DDAH1: variants seen among roughly 807,000 people sequenced by gnomAD.
The protein encoded by DDAH1 is N(G),N(G)-dimethylarginine dimethylaminohydrolase 1.
DDAH1 carries 19 observed loss-of-function variants against 28.8 expected under a neutral mutation model. The observed-to-expected ratio is 0.66, with a 90% CI of 0.46 to 0.97. DDAH1 has a LOEUF of 0.97. DDAH1 is among the 50% of genes least tolerant of loss of function. The pLI is 0.00. For missense variants in DDAH1, 326 were observed against 375.9 expected (o/e 0.87, Z 1.10); for synonymous variants, 153 against 154.4 (o/e 0.99, Z 0.07).
At chr1:85,396,170 T>G (rs183797943) in intron 1 of DDAH1, among the ~76,000 whole-genome samples, 79 of 152,332 alleles carry the variant, frequency 5.2e-4, no homozygotes, top group Middle Eastern at 3.4e-3. Context: ...TTGAATCTTT[T>G]TGACAAACTT....
In DDAH1 at chr1:85,462,600, A is replaced by ATTCATTCAT. The variant is rs35862161; in HGVS notation, c.303+2142_303+2143insATGAATGAA. Among the ~76,000 whole-genome samples, 27 of 152,254 alleles carry ATTCATTCAT rather than the reference A, an allele frequency of 1.8e-4. No individual in the cohort carries two copies. The East Asian group carries it at 3.5e-3, about 20-fold the overall frequency. On this transcript the variant is annotated intron_variant, in intron 1 of 5. Coordinates refer to ENST00000284031, the MANE Select transcript of DDAH1 (RefSeq NM_012137.4). ...ATCTTCTTGTATTAGCATTTCATTC[A>ATTCATTCAT]TCATTCATTCATTCATCCACTCACT...
At position 85,441,921 on chromosome 1, in the gene DDAH1, A is replaced by G. The variant is rs1654216438; in HGVS notation, c.303+22822T>C. On this transcript the variant is annotated intron_variant, in intron 1 of 5. Coordinates refer to ENST00000284031, the MANE Select transcript of DDAH1 (RefSeq NM_012137.4). ...AAACTGCACTTTATAAAGACTTTTC[A>G]TATATATTTTTTCATTTCATCGCCG... 2.0e-5 allele frequency among the ~76,000 whole-genome samples: 3 copies of G among 152,208 alleles called. No individual in the cohort carries two copies. The South Asian group carries it at 6.2e-4, about 32-fold the overall frequency.
intron 2 of DDAH1, among the ~76,000 whole-genome samples, chr1:85,355,823 T>C (rs1649460293): frequency 6.6e-6 from 1 of 152,094 alleles, no homozygotes; most frequent in African/African-American, 2.4e-5. Flanking sequence ...ACATTGAAAA[T>C]GAACTACAGC....
chr1:85,354,960 G>A (rs993127323), intron 2 of DDAH1, among the ~76,000 whole-genome samples: 4 of 151,994 alleles, frequency 2.6e-5, no homozygotes, highest in African/African-American at 9.7e-5. Flanking sequence ...ACATTCAAGA[G>A]AAAGAGTTCA....
chr1:85,464,941 GC>G lies in DDAH1; in HGVS notation c.104del (p.Gly35AlafsTer70). 6.6e-7 allele frequency: 1 copy of G among 1,520,246 alleles called. No individual in the cohort carries two copies. The allele number at this position is 1,520,246 out of a possible 1,614,324, so 94.2% of individuals were successfully genotyped here. A position where few individuals can be genotyped will look rare whatever the true frequency, so the allele number is the denominator to read the frequency against. ...CCGCGCGGGCGACGTCCACCTCCTC[GC>G]CCTTGGCGCTTCTCAGCGCGTGCTG... ...LGQHALRSAK[G>X]EEVDVARAER... On this transcript the variant is annotated frameshift_variant, in exon 1 of 6. Transcript: ENST00000284031. LOFTEE classifies it high-confidence loss of function. The surrounding 1 kb of genome is among the most constrained non-coding windows in gnomAD (Gnocchi z 4.4).
At chr1:85,408,965 C>T (rs1372182922) in intron 1 of DDAH1, among the ~76,000 whole-genome samples, 1 of 152,150 alleles carries the variant, frequency 6.6e-6, no homozygotes, top group Non-Finnish European at 1.5e-5. Flanking sequence ...CAGTCTAACT[C>T]TTAAAGACCT....
At chr1:85,404,743 TTCTC>T (rs894215502) in intron 1 of DDAH1, among the ~76,000 whole-genome samples, 1 of 151,854 alleles carries the variant, frequency 6.6e-6, no homozygotes, top group Admixed American at 6.6e-5. Flanking sequence ...TTCTCTGTCT[TTCTC>T]TCTCTCTCTC....
intron 1 of DDAH1, among the ~76,000 whole-genome samples, chr1:85,409,182 G>A (rs1652534017): frequency 6.6e-6 from 1 of 152,082 alleles, no homozygotes; most frequent in Non-Finnish European, 1.5e-5. Context: ...TACATTACAT[G>A]TGTGGCCCAA....
At chr1:85,558,059 C>T (rs1402237315) in intron 1 of DDAH1, among the ~76,000 whole-genome samples, 1 of 151,120 alleles carries the variant, frequency 6.6e-6, no homozygotes, top group Non-Finnish European at 1.5e-5. Context: ...TTGGTCCAAA[C>T]CAGTAAAAAA....
chr1:85,424,986 G>A (rs888553848), intron 1 of DDAH1, among the ~76,000 whole-genome samples: 3 of 152,042 alleles, frequency 2.0e-5, no homozygotes, highest in Non-Finnish European at 4.4e-5. Context: ...CTGTAGAAAA[G>A]AGTATCCCTT....
intron 1 of DDAH1, among the ~76,000 whole-genome samples, chr1:85,460,014 C>T (rs1024354926): frequency 1.3e-5 from 2 of 152,128 alleles, no homozygotes; most frequent in African/African-American, 4.8e-5. Flanking sequence ...TTCATAAAAA[C>T]CTCATTTCTG....
chr1:85,400,755 C>T (rs527267813), intron 1 of DDAH1, among the ~76,000 whole-genome samples: 6 of 152,154 alleles, frequency 3.9e-5, no homozygotes, highest in Non-Finnish European at 8.8e-5. Context: ...AGGTTCACTT[C>T]TTTATGCTGG....
chr1:85,560,802 G>A (rs1225759930), intron 1 of DDAH1, among the ~76,000 whole-genome samples: 1 of 152,050 alleles, frequency 6.6e-6, no homozygotes, highest in African/African-American at 2.4e-5. Context: ...TTTTGAAAAA[G>A]TGTATGTTAT....
intron 1 of DDAH1, among the ~76,000 whole-genome samples, chr1:85,377,140 T>A (rs1468471206): frequency 6.6e-6 from 1 of 152,060 alleles, no homozygotes; most frequent in South Asian, 2.1e-4. Context: ...CAACTCCCAG[T>A]AGGTTGGCAT....
chr1:85,457,072 C>T (rs940332350), intron 1 of DDAH1, among the ~76,000 whole-genome samples: 2 of 152,096 alleles, frequency 1.3e-5, no homozygotes, highest in South Asian at 2.1e-4. Flanking sequence ...TGCAAAGTGG[C>T]CAAATCCCTC....
chr1:85,573,019 C>T (rs542484611), intron 1 of DDAH1, among the ~76,000 whole-genome samples: 3 of 152,326 alleles, frequency 2.0e-5, no homozygotes, highest in African/African-American at 7.2e-5. Flanking sequence ...AAGACTAGCT[C>T]ATTCTATGTT....
At chr1:85,483,272 A>G (rs1428588158) in intron 2 of DDAH1, among the ~76,000 whole-genome samples, 1 of 150,952 alleles carries the variant, frequency 6.6e-6, no homozygotes, top group Non-Finnish European at 1.5e-5. Context: ...TTGTCCCCTT[A>G]TTTTGACCAA....
intron 1 of DDAH1, among the ~76,000 whole-genome samples, chr1:85,504,341 G>C (rs1166323526): frequency 6.6e-6 from 1 of 152,174 alleles, no homozygotes; most frequent in Non-Finnish European, 1.5e-5. Flanking sequence ...TAAAATTAAA[G>C]AGAACAAAGG....
At chr1:85,533,572 T>C (rs1443171541) in intron 1 of DDAH1, among the ~76,000 whole-genome samples, 1 of 151,960 alleles carries the variant, frequency 6.6e-6, no homozygotes, top group Non-Finnish European at 1.5e-5. Context: ...AAGGTAAAAA[T>C]GATAATTTAA....
Sources: allele counts gnomAD v4.1 joint callset (sites outside exome capture counted in the v4.1 genomes callset), GRCh38; gene constraint gnomAD v4.1.1; non-coding constraint Gnocchi (gnomAD v3.1); transcripts MANE v1.5; gene names NCBI Gene and HGNC (gene_info 2026-07-23, HGNC 2026-07-21).